Variants in LRP1B observed in about 807,000 individuals in gnomAD.
LRP1B encodes the protein LDL receptor related protein 1B.
Under a neutral mutation model 556.6 loss-of-function variants are expected in LRP1B, and 217 were observed. That is an observed-to-expected ratio of 0.39 (90% CI 0.35 to 0.44). The LOEUF is 0.44. LRP1B is among the 20% of genes least tolerant of loss of function. LRP1B has a pLI of 1.00. For synonymous variants in LRP1B, 2,047 were observed against 1,865.8 expected, an observed-to-expected ratio of 1.10 and a Z score of -2.50; for missense variants, 5,053 against 5,620.8, an observed-to-expected ratio of 0.90 and a Z score of 3.23.
intron 2 of LRP1B, among the ~76,000 whole-genome samples, chr2:141,776,188 C>T (rs1419162216): frequency 6.6e-6 from 1 of 151,312 alleles, no homozygotes; most frequent in Non-Finnish European, 1.5e-5. Context: ...TAAGGCTTGC[C>T]GTCTTGATTC....
chr2:140,558,958 A>G (rs987273234), intron 43 of LRP1B, among the ~76,000 whole-genome samples: 1 of 151,420 alleles, frequency 6.6e-6, no homozygotes, highest in African/African-American at 2.4e-5. Context: ...AAAAAAAAAC[A>G]AACTTTAAAT....
intron 41 of LRP1B, among the ~76,000 whole-genome samples, chr2:140,694,471 ACTT>A (rs1686357242): frequency 6.6e-6 from 1 of 152,170 alleles, no homozygotes; most frequent in African/African-American, 2.4e-5. Context: ...AGTGTCTACT[ACTT>A]CTGGTAGCAT....
chr2:140,602,412 A>G (rs1682708203), intron 41 of LRP1B, among the ~76,000 whole-genome samples: 1 of 152,076 alleles, frequency 6.6e-6, no homozygotes, highest in South Asian at 2.1e-4. Flanking sequence ...CTATGAGTGC[A>G]TCTTTAAGTA....
rs563386031 is a variant in LRP1B at position 140,444,233 on chromosome 2, A to G, written c.10294+97T>C. On this transcript the variant is annotated intron_variant, in intron 65 of 90. Transcript: ENST00000389484. ...TTTGACCATAATTTCTTTTCAATTT[A>G]TCTACATCATATGAATTTATGAAGT... is the stretch of plus-strand genomic sequence containing the variant. 57 of 1,300,138 alleles carry G rather than the reference A, an allele frequency of 4.4e-5. 1 individual carries two copies. The South Asian group carries it at 7.1e-4, about 16-fold the overall frequency. The allele number at this position is 1,300,138 out of a possible 1,614,324, so 80.5% of individuals were successfully genotyped here.
At chr2:141,186,980 T>C (rs1037550042) in intron 7 of LRP1B, among the ~76,000 whole-genome samples, 6 of 152,030 alleles carry the variant, frequency 3.9e-5, no homozygotes, top group African/African-American at 1.4e-4. Context: ...GACACTGCTG[T>C]CTAAAGGCTA....
At chr2:141,395,926 T>G (rs904108179) in intron 3 of LRP1B, among the ~76,000 whole-genome samples, 31 of 152,166 alleles carry the variant, frequency 2.0e-4, no homozygotes, top group Non-Finnish European at 4.4e-5. Flanking sequence ...GTTGTGTACT[T>G]GAGCAAGTCA....
At chr2:140,432,366 A>C (rs1235582418) in intron 66 of LRP1B, among the ~76,000 whole-genome samples, 1 of 152,234 alleles carries the variant, frequency 6.6e-6, no homozygotes, top group Non-Finnish European at 1.5e-5. Context: ...TGCTCACACA[A>C]AGCCTGTTTG....
At chr2:141,013,493 A>G (rs1697814376) in intron 14 of LRP1B, 63 bp downstream of exon 14, 3 of 1,299,230 alleles carry the variant, frequency 2.3e-6, no homozygotes, top group Non-Finnish European at 3.1e-6. Context: ...TAAATCTTTT[A>G]TAACTTCTGT....
intron 4 of LRP1B, among the ~76,000 whole-genome samples, chr2:141,252,027 A>G (rs1257205360): frequency 6.6e-6 from 1 of 151,880 alleles, no homozygotes; most frequent in South Asian, 2.1e-4. Context: ...ACACAAAAAC[A>G]AAAACAAATT....
chr2:140,589,924 T>C (rs1036816181), intron 43 of LRP1B, among the ~76,000 whole-genome samples: 2 of 152,168 alleles, frequency 1.3e-5, no homozygotes, highest in Admixed American at 1.3e-4. Flanking sequence ...GGAAATGTTC[T>C]GTATCTTGAC....
At chr2:141,240,289 AT>A (rs576842614) in intron 5 of LRP1B, among the ~76,000 whole-genome samples, 8 of 151,480 alleles carry the variant, frequency 5.3e-5, no homozygotes, top group East Asian at 1.9e-4. Flanking sequence ...ATTACCCCAG[AT>A]TTTTTTTTCA....
chr2:141,047,069 A>G lies in LRP1B; in HGVS notation c.1789+1917T>C, dbSNP rs561699047. 2.4e-3 allele frequency among the ~76,000 whole-genome samples: 370 copies of G among 151,122 alleles called. 2 individuals carry two copies. Among genetic ancestry groups the G allele is most frequent in the African/African-American group, 8.7e-3 (360 of 41,356 alleles). On this transcript the variant is annotated intron_variant, in intron 11 of 90. Transcript: ENST00000389484. ...TGCACAAAAATTAATAATAATAATAATAATAATAATAATAATAAATGCAAG... is the reference window on the plus strand; with the variant it reads ...TGCACAAAAATTAATAATAATAATAGTAATAATAATAATAATAAATGCAAG...
rs570405501 is a variant in LRP1B at position 141,567,158 on chromosome 2, C to T, written c.206-86625G>A. Among the ~76,000 whole-genome samples, 4 of 152,144 alleles carry T rather than the reference C, an allele frequency of 2.6e-5. No individual in the cohort carries two copies. The South Asian group carries it at 6.2e-4, about 24-fold the overall frequency. The stretch of plus-strand genomic sequence containing the variant: ...GGGCAAGTTTGATTGAACAAAACTC[C>T]CAAATTCCTTGACTATGCAATGGCA... On this transcript the variant is annotated intron_variant, in intron 2 of 90. Coordinates refer to ENST00000389484, the MANE Select transcript of LRP1B (RefSeq NM_018557.3).
At chr2:141,886,049 A>G (rs1344693309) in intron 1 of LRP1B, among the ~76,000 whole-genome samples, 1 of 152,216 alleles carries the variant, frequency 6.6e-6, no homozygotes, top group Non-Finnish European at 1.5e-5. Context: ...TCCCAATTAA[A>G]GATGTGAAGA....
intron 3 of LRP1B, among the ~76,000 whole-genome samples, chr2:141,354,747 T>A (rs1573848311): frequency 6.6e-6 from 1 of 151,770 alleles, no homozygotes; most frequent in East Asian, 1.9e-4. Context: ...CAGCTTCTAC[T>A]CAAGTAAAGT....
In LRP1B at chr2:140,526,260, T is replaced by A. The variant is rs1478853930; in HGVS notation, c.7853A>T (p.Asp2618Val). ...ACTGCAGTTCTTTTCATCTGAAGCATCTGCACAATCTATGTTCTGGTTGCA... is the reference window on the plus strand; with the variant it reads ...ACTGCAGTTCTTTTCATCTGAAGCAACTGCACAATCTATGTTCTGGTTGCA... Reference protein sequence around the residue: ...ARCNQNIDCADASDEKNCNNT... With the variant: ...ARCNQNIDCAVASDEKNCNNT... Residue 2618 changes from aspartate to valine, a missense_variant, in exon 48 of 91, where the codon GAT (aspartate) becomes GTT (valine). This residue lies in a region of LRP1B where 3,619 missense variants were observed against 3,931.9 expected (regional missense o/e 0.92). Coordinates refer to ENST00000389484, the MANE Select transcript of LRP1B (RefSeq NM_018557.3). The A allele has an allele frequency of 1.2e-6, 2 of 1,611,776 alleles. No individual in the cohort carries two copies. The highest frequency in any genetic ancestry group is 1.7e-6 in the Non-Finnish European group (2 of 1,178,478).
chr2:141,099,511 G>A (rs868064700), intron 7 of LRP1B, among the ~76,000 whole-genome samples: 24 of 152,156 alleles, frequency 1.6e-4, no homozygotes, highest in Middle Eastern at 3.2e-3. Context: ...ACAACTTTTT[G>A]CCAAAGCATG....
At chr2:141,800,397 G>A (rs1276091843) in intron 2 of LRP1B, among the ~76,000 whole-genome samples, 1 of 152,176 alleles carries the variant, frequency 6.6e-6, no homozygotes, top group African/African-American at 2.4e-5. Context: ...TGTAAAAGGG[G>A]ACCATGAATA....
chr2:141,153,965 C>T (rs1036330828), intron 7 of LRP1B, among the ~76,000 whole-genome samples: 2 of 151,674 alleles, frequency 1.3e-5, no homozygotes, highest in Admixed American at 6.6e-5. Context: ...CATCAGTCTT[C>T]CTCTCTGAGA....
Sources: allele counts gnomAD v4.1 joint callset (sites outside exome capture counted in the v4.1 genomes callset), GRCh38; gene constraint gnomAD v4.1.1; regional missense constraint gnomAD v4.1.1; transcripts MANE v1.5; gene names NCBI Gene and HGNC (gene_info 2026-07-23, HGNC 2026-07-21).